The following USP25 variants were observed in gnomAD, a reference collection of about 807,000 sequenced individuals.
The protein encoded by USP25 is ubiquitin carboxyl-terminal hydrolase 25.
In USP25, 85 loss-of-function variants were observed where a neutral mutation model predicts 158.5. That is an observed-to-expected ratio of 0.54 (90% CI 0.45 to 0.64). The LOEUF (loss-of-function observed/expected upper bound fraction) is 0.64. Among genes scored for constraint, USP25 ranks in the 30% least tolerant of loss-of-function variants. USP25 has a pLI of 0.00. For synonymous variants in USP25, 464 were observed against 460.4 expected (o/e 1.01, Z -0.10); for missense variants, 1,242 against 1,327.3 (o/e 0.94, Z 1.00).
intron 2 of USP25, among the ~76,000 whole-genome samples, chr21:15,763,780 TAAGTAGTAC>T (rs2033875920): frequency 6.6e-6 from 1 of 152,182 alleles, no homozygotes; most frequent in Non-Finnish European, 1.5e-5. Flanking sequence ...ATTATAACAA[TAAGTAGTAC>T]CGATTAAACA....
At chr21:15,854,764 C>T (rs1042374153) in intron 20 of USP25, among the ~76,000 whole-genome samples, 3 of 152,104 alleles carry the variant, frequency 2.0e-5, no homozygotes, top group Admixed American at 2.0e-4. Flanking sequence ...CTTTCAACCA[C>T]AGGCCATCAT....
chr21:15,865,211 A>T (rs956916727), intron 21 of USP25, among the ~76,000 whole-genome samples: 4 of 152,160 alleles, frequency 2.6e-5, no homozygotes, highest in African/African-American at 9.6e-5. Context: ...AGAATGAGTG[A>T]CACTAGAAAA....
chr21:15,818,819 A>G lies in USP25; in HGVS notation c.1053A>G (p.Ser351=). ...MIEGEIESLH[S]ENSGKSGQEH... is the part of the protein sequence containing the mutation. ...AAGGAGAAATTGAGTCTTTACATTCAGAGAATTCAGGAAAATCAGGCCAAG... is the reference window on the plus strand; with the variant it reads ...AAGGAGAAATTGAGTCTTTACATTCGGAGAATTCAGGAAAATCAGGCCAAG... The change falls in exon 10 of 26, where the codon TCA becomes TCG. Residue 351 remains serine (S), a synonymous_variant. Transcript: ENST00000400183. The G allele has an allele frequency of 6.2e-7, 1 of 1,613,836 alleles. No individual in the cohort carries two copies. The highest frequency in any genetic ancestry group is 8.5e-7 in the Non-Finnish European group (1 of 1,179,792).
Position 15,762,411 on chromosome 21 carries a change from T to C in USP25, c.46-480T>C, listed in dbSNP as rs192548976. Among the ~76,000 whole-genome samples the C allele has an allele frequency of 2.6e-5, 4 of 152,294 alleles. No homozygotes were observed. The East Asian group carries it at 7.7e-4, about 29-fold the overall frequency. On this transcript the variant is annotated intron_variant, in intron 1 of 25. Transcript: ENST00000400183. ...AAATGGGGGCAAATGATCTATTCAATTTAGAATCTTTTATGACAGATTGGA... is the reference window on the plus strand; with the variant it reads ...AAATGGGGGCAAATGATCTATTCAACTTAGAATCTTTTATGACAGATTGGA...
At chr21:15,818,648 A>G in intron 9 of USP25, 50 bp from the exon 10 acceptor site, 1 of 1,498,964 alleles carries the variant, frequency 6.7e-7, no homozygotes. Flanking sequence ...TCTTAATTTT[A>G]GTAGCCAGAA....
At chr21:15,742,560 G>T (rs1033536952) in intron 1 of USP25, among the ~76,000 whole-genome samples, 1 of 152,202 alleles carries the variant, frequency 6.6e-6, no homozygotes, top group Non-Finnish European at 1.5e-5. Flanking sequence ...CTGGGTCTGG[G>T]TGTCTGATCA....
intron 4 of USP25, among the ~76,000 whole-genome samples, chr21:15,782,241 T>TA (rs2035006824): frequency 6.6e-6 from 1 of 152,168 alleles, no homozygotes; most frequent in South Asian, 2.1e-4. Context: ...GAGAGAGTAG[T>TA]ATACAGCCAG....
intron 5 of USP25, among the ~76,000 whole-genome samples, chr21:15,793,416 C>T (rs558632106): frequency 1.5e-4 from 21 of 140,512 alleles, no homozygotes; most frequent in Non-Finnish European, 2.8e-4. Context: ...CCTAAGTTTG[C>T]TAATCTTAGC....
At chr21:15,776,897 A>G (rs2034687931) in intron 3 of USP25, among the ~76,000 whole-genome samples, 3 of 152,120 alleles carry the variant, frequency 2.0e-5, no homozygotes, top group African/African-American at 4.8e-5. Context: ...CGTGTCCAAA[A>G]TACAAATAAG....
chr21:15,771,801 TC>T (rs1200703839), intron 3 of USP25, among the ~76,000 whole-genome samples: 1 of 152,168 alleles, frequency 6.6e-6, no homozygotes, highest in Non-Finnish European at 1.5e-5. Flanking sequence ...TGCTACATAT[TC>T]TTATTGCAAC....
Position 15,745,857 on chromosome 21 carries a change from AC to A in USP25, c.45+15420del, listed in dbSNP as rs141010425. ...CTAGAAGTTTTGCCATTTTAGGTTTACGATCCATTTGGAATTCATTTCTGTG... is the reference window on the plus strand; with the variant it reads ...CTAGAAGTTTTGCCATTTTAGGTTTAGATCCATTTGGAATTCATTTCTGTG... On this transcript the variant is annotated intron_variant, in intron 1 of 25. Coordinates refer to ENST00000400183, the MANE Select transcript of USP25 (RefSeq NM_001283041.3). Among the ~76,000 whole-genome samples the A allele has an allele frequency of 2.4e-3, 361 of 152,288 alleles. 5 individuals are homozygous for A. The highest frequency in any genetic ancestry group is 8.4e-3 in the African/African-American group (349 of 41,554).
At chr21:15,844,906 T>G (rs1309984240) in intron 18 of USP25, among the ~76,000 whole-genome samples, 1 of 152,186 alleles carries the variant, frequency 6.6e-6, no homozygotes, top group African/African-American at 2.4e-5. Flanking sequence ...GTGAAAACAT[T>G]TAGTGGCTGA....
At chr21:15,855,727 T>C (rs933917900) in intron 20 of USP25, among the ~76,000 whole-genome samples, 1 of 152,206 alleles carries the variant, frequency 6.6e-6, no homozygotes, top group African/African-American at 2.4e-5. Context: ...CTCTGGGTTA[T>C]CACAGTGTGT....
intron 5 of USP25, among the ~76,000 whole-genome samples, chr21:15,794,756 T>C (rs2035773741): frequency 6.6e-6 from 1 of 151,446 alleles, no homozygotes. Context: ...TAACTGCAGG[T>C]TGACTAAAAT....
chr21:15,764,522 G>GT (rs1181632129), intron 2 of USP25, among the ~76,000 whole-genome samples: 1 of 152,010 alleles, frequency 6.6e-6, no homozygotes, highest in Non-Finnish European at 1.5e-5. Flanking sequence ...TTTGAGCACT[G>GT]TAATGTCATT....
At chr21:15,743,852 G>A (rs963340758) in intron 1 of USP25, among the ~76,000 whole-genome samples, 13 of 152,212 alleles carry the variant, frequency 8.5e-5, no homozygotes, top group African/African-American at 3.1e-4. Context: ...TTTGTCTACT[G>A]TGGCTATCAG....
chr21:15,789,722 C>G (rs993303020), intron 4 of USP25, among the ~76,000 whole-genome samples: 20 of 151,874 alleles, frequency 1.3e-4, no homozygotes, highest in African/African-American at 4.4e-4. Context: ...ATGTTTTAGT[C>G]TATTTATTTC....
chr21:15,877,945 A>G lies in USP25; in HGVS notation c.3159A>G (p.Glu1053=), dbSNP rs2040163688. The G allele has an allele frequency of 6.2e-7, 1 of 1,613,148 alleles. No individual in the cohort carries two copies. Among genetic ancestry groups the G allele is most frequent in the Non-Finnish European group, 8.5e-7 (1 of 1,179,690 alleles). ...EMEEKDILAV[E]DMRNRWCSYL... ...AAGAAAAGGATATACTAGCTGTAGA[A>G]GATATGAGAAATCGATGGTGTTCCT... Residue 1053 remains glutamate (E), a synonymous_variant, in exon 25 of 26, where the codon GAA becomes GAG. Coordinates refer to ENST00000400183, the MANE Select transcript of USP25 (RefSeq NM_001283041.3).
chr21:15,791,055 TAGA>T (rs1339838371), intron 4 of USP25, among the ~76,000 whole-genome samples: 5 of 151,996 alleles, frequency 3.3e-5, no homozygotes, highest in South Asian at 2.1e-4. Flanking sequence ...TTTTTTTTTG[TAGA>T]AGAAGAACTA....
Sources: gnomAD v4.1 joint callset for allele counts (sites outside exome capture counted in the v4.1 genomes callset) on GRCh38, gnomAD v4.1.1 for gene constraint, MANE v1.5 for transcripts, NCBI Gene and HGNC (gene_info 2026-07-23, HGNC 2026-07-21) for gene names.